AGAP1: variants seen among roughly 807,000 people sequenced by gnomAD.
The protein encoded by AGAP1 is arf-GAP with GTPase, ANK repeat and PH domain-containing protein 1.
A neutral mutation model predicts 105.3 loss-of-function variants in AGAP1; 29 were observed. The observed-to-expected ratio is 0.28, with a 90% confidence interval of 0.21 to 0.38. AGAP1 has a LOEUF of 0.38. Among genes scored for constraint, AGAP1 ranks in the 10% least tolerant of loss-of-function variants. The pLI, the probability that AGAP1 is intolerant of heterozygous loss-of-function variation, is 1.00. For missense variants in AGAP1, 998 were observed against 1,165.1 expected, an observed-to-expected ratio of 0.86 and a Z score of 2.09; for synonymous variants, 509 against 485.9, an observed-to-expected ratio of 1.05 and a Z score of -0.63.
At chr2:235,779,344 T>C (rs1956116166) in intron 6 of AGAP1, among the ~76,000 whole-genome samples, 1 of 152,216 alleles carries the variant, frequency 6.6e-6, no homozygotes, top group Non-Finnish European at 1.5e-5. Context: ...GGTTTGACTT[T>C]TTTTGAGGGG....
chr2:235,513,394 G>A (rs965016397), intron 1 of AGAP1, among the ~76,000 whole-genome samples: 18 of 151,934 alleles, frequency 1.2e-4, no homozygotes, highest in East Asian at 7.7e-4. Context: ...GGTGGCAGGC[G>A]CCTATAATCC....
chr2:235,884,105 G>A (rs1408744004), intron 10 of AGAP1, among the ~76,000 whole-genome samples: 5 of 152,156 alleles, frequency 3.3e-5, no homozygotes, highest in African/African-American at 7.2e-5. Flanking sequence ...TAAAGTTGGG[G>A]TGTTCTAGTT....
At chr2:235,886,385 G>A (rs1057299667) in intron 10 of AGAP1, among the ~76,000 whole-genome samples, 1 of 152,228 alleles carries the variant, frequency 6.6e-6, no homozygotes, top group African/African-American at 2.4e-5. Flanking sequence ...CTTGCCAAGG[G>A]GCAGATATGG....
Position 236,068,894 on chromosome 2 carries a change from CA to C in AGAP1, c.2114+19615del, listed in dbSNP as rs529065771. 2.4e-3 allele frequency among the ~76,000 whole-genome samples: 353 copies of C among 149,812 alleles called. 1 individual carries two copies. Among genetic ancestry groups the C allele is most frequent in the Non-Finnish European group, 4.1e-3 (275 of 67,744 alleles). The stretch of plus-strand genomic sequence containing the variant: ...CTGTAATCCTAGCACTTTGGGAGGC[CA>C]AGGCAGGCGGATCATGAGGTCAGGA... On this transcript the variant is annotated intron_variant, in intron 16 of 17. Coordinates refer to ENST00000304032, the MANE Select transcript of AGAP1 (RefSeq NM_001037131.3).
In AGAP1 at chr2:235,979,146, T is replaced by G. The variant is rs1021865782; in HGVS notation, c.1645+10523T>G. Among the ~76,000 whole-genome samples, 3 of 151,840 alleles carry G rather than the reference T, an allele frequency of 2.0e-5. No homozygotes were observed. Among genetic ancestry groups the G allele is most frequent in the Non-Finnish European group, 4.4e-5 (3 of 67,958 alleles). On this transcript the variant is annotated intron_variant, in intron 13 of 17. Transcript: ENST00000304032. The surrounding 1 kb of genome is among the most constrained non-coding windows in gnomAD (Gnocchi z 4.5). ...GTTTTTTTGTTGTTGTTTTTGTTTT[T>G]TTTTTTTTGGGATATGATCTCACTG... is the stretch of plus-strand genomic sequence containing the variant.
intron 9 of AGAP1, among the ~76,000 whole-genome samples, chr2:235,812,458 G>A (rs72983078): frequency 0.23 from 35,201 of 152,204 alleles, 5,166 homozygotes; most frequent in Admixed American, 0.4. Flanking sequence ...CCAGCCTGCC[G>A]CAGGCCACCG....
At chr2:236,015,225 TA>T (rs1336258836) in intron 13 of AGAP1, among the ~76,000 whole-genome samples, 1 of 152,244 alleles carries the variant, frequency 6.6e-6, no homozygotes, top group African/African-American at 2.4e-5. Context: ...TTACAGTTTT[TA>T]AAAGTGTTAG....
At chr2:236,122,158 G>C (rs1273679815) in intron 17 of AGAP1, among the ~76,000 whole-genome samples, 3 of 151,946 alleles carry the variant, frequency 2.0e-5, no homozygotes, top group Non-Finnish European at 4.4e-5. Context: ...TTACCATATT[G>C]CCCATGGGTT....
At chr2:235,547,153 C>T (rs534114863) in intron 1 of AGAP1, among the ~76,000 whole-genome samples, 5 of 152,230 alleles carry the variant, frequency 3.3e-5, no homozygotes, top group African/African-American at 2.4e-5. Context: ...AGGGAGGTGA[C>T]GGGCAGTGGC....
rs375172679 is a variant in AGAP1 at position 235,753,598 on chromosome 2, C to T, written c.673+3110C>T. On this transcript the variant is annotated intron_variant, in intron 6 of 17. Transcript: ENST00000304032. The surrounding 1 kb of genome is among the most constrained non-coding windows in gnomAD (Gnocchi z 4.5). ...GCAGGCACCTGTAATCCCAGCTACT[C>T]AGGAAGCCAAGGCAGGAGAATCGCT... 7.9e-5 allele frequency among the ~76,000 whole-genome samples: 12 copies of T among 152,020 alleles called. No homozygotes were observed. The East Asian group carries it at 1.8e-3, about 22-fold the overall frequency.
chr2:235,768,468 A>G (rs1436508802), intron 6 of AGAP1, among the ~76,000 whole-genome samples: 2 of 152,246 alleles, frequency 1.3e-5, no homozygotes, highest in African/African-American at 4.8e-5. Context: ...AGTCATGAGA[A>G]AAGAAGTTAA....
chr2:235,853,365 G>C (rs2048558113), intron 9 of AGAP1, among the ~76,000 whole-genome samples: 1 of 152,204 alleles, frequency 6.6e-6, no homozygotes, highest in Non-Finnish European at 1.5e-5. Context: ...TACTGAGTTG[G>C]AAATAATGTC....
intron 1 of AGAP1, among the ~76,000 whole-genome samples, chr2:235,677,959 C>CAAAAAAAAAAAA (rs1448333130): frequency 4.2e-4 from 28 of 67,342 alleles, no homozygotes; most frequent in South Asian, 6.3e-4. Flanking sequence ...AAAAAAAAAG[C>CAAAAAAAAAAAA]AAAACCAGTT....
Position 235,660,014 on chromosome 2 carries a change from C to G in AGAP1, c.164-49165C>G, listed in dbSNP as rs1252816239. 1.3e-5 allele frequency among the ~76,000 whole-genome samples: 2 copies of G among 152,254 alleles called. No individual in the cohort carries two copies. The highest frequency in any genetic ancestry group is 2.9e-5 in the Non-Finnish European group (2 of 68,050). ...AGACCCCTCTGTCTGACCAGCATCC[C>G]ATTCCCTGAAGTGAAGCAGCTGCCA... On this transcript the variant is annotated intron_variant, in intron 1 of 17. Transcript: ENST00000304032. This position sits in a 1 kb window ranked among gnomAD's most constrained non-coding sequence, Gnocchi z 5.3.
At chr2:235,775,359 C>CA (rs1408740806) in intron 6 of AGAP1, among the ~76,000 whole-genome samples, 1 of 152,162 alleles carries the variant, frequency 6.6e-6, no homozygotes, top group African/African-American at 2.4e-5. Context: ...TTGTGCCAGC[C>CA]AAAAGTGAGT....
In AGAP1 at chr2:235,900,162, C is replaced by T. The variant is rs533853172; in HGVS notation, c.1156-8576C>T. On this transcript the variant is annotated intron_variant, in intron 10 of 17. Coordinates refer to ENST00000304032, the MANE Select transcript of AGAP1 (RefSeq NM_001037131.3). The surrounding 1 kb of genome is among the most constrained non-coding windows in gnomAD (Gnocchi z 5.5). The stretch of plus-strand genomic sequence containing the variant: ...GCCTCACCAGCCTTCTCGTTTACCA[C>T]GTGTAGCATAATGACCCAGACCCAA... Among the ~76,000 whole-genome samples, 5 of 152,280 alleles carry T rather than the reference C, an allele frequency of 3.3e-5. No individual in the cohort carries two copies. Among genetic ancestry groups the T allele is most frequent in the South Asian group, 2.1e-4 (1 of 4,828 alleles).
At chr2:236,115,193 C>T (rs569264047) in intron 16 of AGAP1, among the ~76,000 whole-genome samples, 2 of 152,330 alleles carry the variant, frequency 1.3e-5, no homozygotes, top group Admixed American at 6.5e-5. Context: ...GCTCACATAA[C>T]ATTGAATTAT....
At chr2:235,819,981 G>A (rs535013057) in intron 9 of AGAP1, among the ~76,000 whole-genome samples, 69 of 141,314 alleles carry the variant, frequency 4.9e-4, no homozygotes, top group African/African-American at 1.7e-3. Context: ...TCAGCTCACC[G>A]CAACCTCCGC....
At chr2:235,678,988 C>T (rs957775382) in intron 1 of AGAP1, among the ~76,000 whole-genome samples, 5 of 152,192 alleles carry the variant, frequency 3.3e-5, no homozygotes, top group African/African-American at 1.2e-4. Context: ...ATCGGATTCT[C>T]CCTGTGCACA....
Sources: gnomAD v4.1 joint callset for allele counts (sites outside exome capture counted in the v4.1 genomes callset) on GRCh38, gnomAD v4.1.1 for gene constraint, Gnocchi (gnomAD v3.1) non-coding constraint, MANE v1.5 for transcripts, NCBI Gene and HGNC (gene_info 2026-07-23, HGNC 2026-07-21) for gene names.